SPATS2: variants seen among roughly 807,000 people sequenced by gnomAD.
SPATS2 encodes the protein spermatogenesis-associated serine-rich protein 2.
A neutral mutation model predicts 63.7 loss-of-function variants in SPATS2; 38 were observed. That is an observed-to-expected ratio of 0.60 (90% CI 0.46 to 0.78). The LOEUF (loss-of-function observed/expected upper bound fraction) is 0.78, where lower values mean the gene tolerates loss of function less well. Among genes scored for constraint, SPATS2 ranks in the 30% least tolerant of loss-of-function variants. The pLI, the probability that SPATS2 is intolerant of heterozygous loss-of-function variation, is 0.00. For synonymous variants in SPATS2, 207 were observed against 232.9 expected (o/e 0.89, Z 1.01); for missense variants, 588 against 666.2 (o/e 0.88, Z 1.29).
At chr12:49,422,466 T>G (rs1421048290) in intron 2 of SPATS2, among the ~76,000 whole-genome samples, 1 of 152,226 alleles carries the variant, frequency 6.6e-6, no homozygotes, top group Non-Finnish European at 1.5e-5. Context: ...TATGACCTCC[T>G]TAATCTTCCC....
chr12:49,403,793 G>A (rs945314518), intron 2 of SPATS2, among the ~76,000 whole-genome samples: 4 of 152,222 alleles, frequency 2.6e-5, no homozygotes, highest in Non-Finnish European at 5.9e-5. Flanking sequence ...CTCAAGGGTT[G>A]GAAAGGGAAG....
chr12:49,383,460 G>T (rs188933655), intron 2 of SPATS2, among the ~76,000 whole-genome samples: 1 of 151,990 alleles, frequency 6.6e-6, no homozygotes, highest in South Asian at 2.1e-4. Context: ...ACCCTGGCTG[G>T]AGCGCAGTGA....
At chr12:49,426,177 TTTAGTTTTTTTC>T (rs1400990803) in intron 2 of SPATS2, among the ~76,000 whole-genome samples, 2 of 151,986 alleles carry the variant, frequency 1.3e-5, no homozygotes, top group African/African-American at 2.4e-5. Context: ...AAAGGACATC[TTTAGTTTTTTTC>T]TTTGTTTTTG....
chr12:49,442,192 C>G (rs1259572896), intron 2 of SPATS2, among the ~76,000 whole-genome samples: 1 of 152,032 alleles, frequency 6.6e-6, no homozygotes, highest in African/African-American at 2.4e-5. Context: ...TCTGTTGTAC[C>G]AAAAAATAAC....
chr12:49,497,834 C>T (rs1946490048), intron 8 of SPATS2, among the ~76,000 whole-genome samples: 2 of 151,386 alleles, frequency 1.3e-5, no homozygotes, highest in Non-Finnish European at 2.9e-5. Context: ...GGTGATAGCT[C>T]TTTGCTTAAA....
intron 2 of SPATS2, among the ~76,000 whole-genome samples, chr12:49,455,962 C>G (rs1307411731): frequency 1.3e-5 from 2 of 152,300 alleles, no homozygotes; most frequent in East Asian, 3.9e-4. Context: ...AAATTTCTAT[C>G]TAATCTCCTG....
At chr12:49,461,079 T>C in intron 3 of SPATS2, 42 bp downstream of exon 3, 3 of 1,601,362 alleles carry the variant, frequency 1.9e-6, no homozygotes, top group Non-Finnish European at 2.6e-6. Context: ...AGCATAGTTA[T>C]AATGATCCCC....
chr12:49,486,213 CTGT>C (rs758344808), intron 4 of SPATS2: 10 of 452,218 alleles, frequency 2.2e-5, no homozygotes, highest in African/African-American at 6.0e-5. Context: ...GTTTTGTTTT[CTGT>C]TGTTGTGAGA....
rs1475129834 is a variant in SPATS2, at chr12:49,527,053, C to G, written c.*798C>G. 2 of 151,806 alleles carry G rather than the reference C, an allele frequency of 1.3e-5. No homozygotes were observed. The highest frequency in any genetic ancestry group is 2.9e-5 in the Non-Finnish European group (2 of 68,004). 9.4% of individuals were successfully genotyped at this position (151,806 alleles called of 1,614,324 possible). The stretch of plus-strand genomic sequence containing the variant: ...ACCAGCCTGGCCAACATGGTGAAAC[C>G]CTGTCTGTACTAAAAATACAAAAAT... On this transcript the variant is annotated 3_prime_UTR_variant, in exon 14 of 14. Transcript: ENST00000552918.
intron 3 of SPATS2, among the ~76,000 whole-genome samples, chr12:49,465,552 TA>T (rs1945897731): frequency 1.3e-5 from 2 of 152,322 alleles, no homozygotes; most frequent in Admixed American, 1.3e-4. Flanking sequence ...GGAGTCTTAT[TA>T]TCGAATTCTA....
intron 9 of SPATS2, among the ~76,000 whole-genome samples, chr12:49,511,342 T>C (rs796417082): frequency 3.9e-5 from 6 of 152,294 alleles, no homozygotes; most frequent in African/African-American, 1.4e-4. Context: ...AATCTATCTT[T>C]CATGATTGAA....
intron 2 of SPATS2, among the ~76,000 whole-genome samples, chr12:49,392,015 G>A (rs1297893835): frequency 6.6e-6 from 1 of 151,976 alleles, no homozygotes. Context: ...TTAATTTAAC[G>A]ACACATTCAT....
chr12:49,397,503 A>G (rs1944531382), intron 2 of SPATS2, among the ~76,000 whole-genome samples: 1 of 152,148 alleles, frequency 6.6e-6, no homozygotes, highest in Non-Finnish European at 1.5e-5. Context: ...TGCCTAGTAT[A>G]GAATCTGGCA....
intron 5 of SPATS2, chr12:49,490,416 A>G (rs1303513487): frequency 2.4e-6 from 1 of 410,606 alleles, no homozygotes; most frequent in Admixed American, 4.1e-5. Context: ...AGAATCTTCA[A>G]AATGGCCCAG....
chr12:49,451,837 G>A (rs1945628622), intron 2 of SPATS2, among the ~76,000 whole-genome samples: 1 of 152,180 alleles, frequency 6.6e-6, no homozygotes, highest in Non-Finnish European at 1.5e-5. Context: ...TCTTTGAAAT[G>A]TCTTTATTTC....
chr12:49,451,936 T>A (rs1259937103), intron 2 of SPATS2, among the ~76,000 whole-genome samples: 1 of 152,242 alleles, frequency 6.6e-6, no homozygotes, highest in Non-Finnish European at 1.5e-5. Flanking sequence ...ATTTCTTGCC[T>A]TCTGGCTTCT....
Position 49,524,876 on chromosome 12 carries a change from C to G in SPATS2, c.1306C>G (p.Pro436Ala). ...PAAIANSSGQ[P>A]YQPLREVLPG... ...AGCCATAGCAAACTCCAGTGGCCAG[C>G]CCTACCAGCCACTTCGGGAGGTAAC... is the stretch of plus-strand genomic sequence containing the variant. Residue 436 changes from proline to alanine, a missense_variant, in exon 13 of 14, where the codon CCC (proline) becomes GCC (alanine). Transcript: ENST00000552918. 4 of 1,612,360 alleles carry G rather than the reference C, an allele frequency of 2.5e-6. No individual in the cohort carries two copies. The highest frequency in any genetic ancestry group is 3.4e-6 in the Non-Finnish European group (4 of 1,179,756).
At chr12:49,516,204 T>TATATATATAAATAA (rs764472141) in intron 10 of SPATS2, among the ~76,000 whole-genome samples, 13 of 70,718 alleles carry the variant, frequency 1.8e-4, no homozygotes, top group Non-Finnish European at 2.6e-4. Context: ...TATATATATA[T>TATATATATAAATAA]ATATAAATCA....
chr12:49,445,821 G>A (rs1313574909), intron 2 of SPATS2, among the ~76,000 whole-genome samples: 1 of 151,696 alleles, frequency 6.6e-6, no homozygotes, highest in African/African-American at 2.4e-5. Flanking sequence ...CATCGTGCCT[G>A]GCCTGGCTTG....
Sources: gnomAD v4.1 joint callset for allele counts (sites outside exome capture counted in the v4.1 genomes callset) on GRCh38, gnomAD v4.1.1 for gene constraint, MANE v1.5 for transcripts, NCBI Gene and HGNC (gene_info 2026-07-23, HGNC 2026-07-21) for gene names.